Variants in LRP8 observed in about 807,000 individuals in gnomAD.
The protein encoded by LRP8 is LDL receptor related protein 8, also known as low-density lipoprotein receptor-related protein 8.
Under a neutral mutation model 111.6 loss-of-function variants are expected in LRP8, and 46 were observed. That is an observed-to-expected ratio of 0.41 (90% confidence interval 0.33 to 0.53). LRP8 has a LOEUF of 0.53. LRP8 is among the 20% of genes least tolerant of loss of function. The probability of loss-of-function intolerance (pLI) is 0.20; values close to 1 mark genes in which losing one functional copy is unlikely to be tolerated. For synonymous variants in LRP8, 464 were observed against 511.2 expected (o/e 0.91, Z 1.24); for missense variants, 959 against 1,297.4 (o/e 0.74, Z 4.01).
At position 53,327,805 on chromosome 1, in the gene LRP8, C is replaced by A. The variant is rs1165666435; in HGVS notation, c.108G>T (p.Pro36=). 2.0e-6 allele frequency: 3 copies of A among 1,511,158 alleles called. No individual in the cohort carries two copies. The highest frequency in any genetic ancestry group is 2.9e-5 in the African/African-American group (2 of 70,150). 93.6% of individuals were successfully genotyped at this position (1,511,158 alleles called of 1,614,324 possible). A position where few individuals can be genotyped will look rare whatever the true frequency, so the allele number is the denominator to read the frequency against. Residue 36 remains proline (P), a synonymous_variant, in exon 1 of 19, where the codon CCG becomes CCT. Coordinates refer to ENST00000306052, the MANE Select transcript of LRP8 (RefSeq NM_004631.5). ...LQHLAAAAAD[P]LLGGQGPAKD... The stretch of plus-strand genomic sequence containing the variant: ...TGCACGCACCTTGGCCGCCGAGCAG[C>A]GGATCAGCCGCTGCCGCCGCAAGAT...
intron 2 of LRP8, among the ~76,000 whole-genome samples, chr1:53,295,232 C>A (rs1649479563): frequency 6.6e-6 from 1 of 152,106 alleles, no homozygotes; most frequent in Admixed American, 6.5e-5. Flanking sequence ...GTCAGCCAAG[C>A]TGTGGGAGTG....
At chr1:53,281,005 C>G (rs1288438501) in intron 3 of LRP8, among the ~76,000 whole-genome samples, 1 of 152,208 alleles carries the variant, frequency 6.6e-6, no homozygotes, top group Non-Finnish European at 1.5e-5. Context: ...CTGGCCACAC[C>G]TCCCATCCCT....
At chr1:53,252,041 C>CA (rs776015082) in intron 16 of LRP8, among the ~76,000 whole-genome samples, 3,836 of 53,470 alleles carry the variant, frequency 0.072, 195 homozygotes, top group African/African-American at 0.2. Flanking sequence ...GACCTTGTCT[C>CA]AAAAAAAAAA....
At chr1:53,252,784 T>C (rs1372674977) in intron 16 of LRP8, among the ~76,000 whole-genome samples, 1 of 152,216 alleles carries the variant, frequency 6.6e-6, no homozygotes, top group Admixed American at 6.5e-5. Flanking sequence ...ACAATCTTGA[T>C]AAAAACTTCA....
chr1:53,275,599 G>T lies in LRP8; in HGVS notation c.1006+32C>A. 9 of 1,611,700 alleles carry T rather than the reference G, an allele frequency of 5.6e-6. No homozygotes were observed. Among genetic ancestry groups the T allele is most frequent in the Non-Finnish European group, 7.6e-6 (9 of 1,178,414 alleles). ...TACCAGAGCCTAGGGCATCCTCACA[G>T]AGGATGTGTTCTGTGCCCTGACCAC... On this transcript the variant is annotated intron_variant, in intron 6 of 18. Transcript: ENST00000306052. The surrounding 1 kb of genome is among the most constrained non-coding windows in gnomAD (Gnocchi z 4.4).
At chr1:53,327,600 T>A (rs1382538055) in intron 1 of LRP8, among the ~76,000 whole-genome samples, 189 bp downstream of exon 1, 1 of 152,022 alleles carries the variant, frequency 6.6e-6, no homozygotes, top group Non-Finnish European at 1.5e-5. Context: ...GGCAGAGCCC[T>A]CAACACCGAG....
chr1:53,249,664 C>G lies in LRP8; in HGVS notation c.2677-108G>C. The G allele has an allele frequency of 7.0e-7, 1 of 1,429,188 alleles. No individual in the cohort carries two copies. The highest frequency in any genetic ancestry group is 1.5e-5 in the South Asian group (1 of 66,308). The allele number at this position is 1,429,188 out of a possible 1,614,324, so 88.5% of individuals were successfully genotyped here. A position where few individuals can be genotyped will look rare whatever the true frequency, so the allele number is the denominator to read the frequency against. On this transcript the variant is annotated intron_variant, in intron 17 of 18. Coordinates refer to ENST00000306052, the MANE Select transcript of LRP8 (RefSeq NM_004631.5). This position sits in a 1 kb window ranked among gnomAD's most constrained non-coding sequence, Gnocchi z 4.1. Reference sequence around the variant, plus strand: ...TGCCACTTTGTGGTCCTCATTCCCCCAAAAAGCCATGCTGTGTTGTACCTT... The same window carrying G: ...TGCCACTTTGTGGTCCTCATTCCCCGAAAAAGCCATGCTGTGTTGTACCTT...
At chr1:53,321,552 G>A (rs1654516566) in intron 2 of LRP8, among the ~76,000 whole-genome samples, 1 of 152,152 alleles carries the variant, frequency 6.6e-6, no homozygotes, top group Admixed American at 6.5e-5. Context: ...GCTCCTCACT[G>A]CCCCCTGGGG....
At position 53,317,217 on chromosome 1, in the gene LRP8, G is replaced by A. The variant is rs1653927598; in HGVS notation, c.244+9656C>T. On this transcript the variant is annotated intron_variant, in intron 2 of 18. Transcript: ENST00000306052. The surrounding 1 kb of genome is among the most constrained non-coding windows in gnomAD (Gnocchi z 4.9). ...AATGTCCCTGGATTCAGGCCACCAG[G>A]AAAGCCCACCCTTGGCCTCCAGCTA... Among the ~76,000 whole-genome samples, 1 of 152,186 alleles carries A rather than the reference G, an allele frequency of 6.6e-6. No individual in the cohort carries two copies. Among genetic ancestry groups the A allele is most frequent in the Admixed American group, 6.5e-5 (1 of 15,284 alleles).
intron 3 of LRP8, chr1:53,289,219 A>G (rs17108202): frequency 0.37 from 71,393 of 195,220 alleles, 14,439 homozygotes; most frequent in East Asian, 0.59. Context: ...CTTAAGAAGC[A>G]CCAGCTGCCA....
At chr1:53,298,994 A>G (rs961814266) in intron 2 of LRP8, among the ~76,000 whole-genome samples, 1 of 152,112 alleles carries the variant, frequency 6.6e-6, no homozygotes, top group Non-Finnish European at 1.5e-5. Context: ...GCCCCCACTA[A>G]CTGTAAGTGG....
chr1:53,319,357 T>C (rs1306348395), intron 2 of LRP8, among the ~76,000 whole-genome samples: 1 of 151,760 alleles, frequency 6.6e-6, no homozygotes, highest in African/African-American at 2.4e-5. Flanking sequence ...GCAGACAGCT[T>C]TGGGGTGTCT....
In LRP8 at chr1:53,328,009, C is replaced by G. The variant is rs1485512973; in HGVS notation, c.-97G>C. On this transcript the variant is annotated 5_prime_UTR_variant, in exon 1 of 19. Transcript: ENST00000306052. ...GTCCTTGCCGCGGCGCCGGGGTTGC[C>G]GCTGCCCCCGCCGCCGCCGCCGCCG... is the stretch of plus-strand genomic sequence containing the variant. 5.2e-6 allele frequency: 4 copies of G among 771,766 alleles called. No homozygotes were observed. Among genetic ancestry groups the G allele is most frequent in the Non-Finnish European group, 6.3e-6 (4 of 637,346 alleles). The allele number at this position is 771,766 out of a possible 1,614,324, so 47.8% of individuals were successfully genotyped here.
rs1394735934 is a variant in LRP8, at chr1:53,246,292, A to G, written c.*726T>C. The G allele has an allele frequency of 6.6e-6, 1 of 152,202 alleles. No individual in the cohort carries two copies. The highest frequency in any genetic ancestry group is 2.4e-5 in the African/African-American group (1 of 41,440). The allele number at this position is 152,202 out of a possible 1,614,324, so 9.4% of individuals were successfully genotyped here. On this transcript the variant is annotated 3_prime_UTR_variant, in exon 19 of 19. Transcript: ENST00000306052. ...ATTTCCAAAGGCTTTTCTGAAAACT[A>G]CAAGATATACCCCTTGTGGACTGTG...
At chr1:53,280,859 C>G (rs1036442432) in intron 3 of LRP8, 144 bp from the exon 4 acceptor site, 1 of 1,020,162 alleles carries the variant, frequency 9.8e-7, no homozygotes, top group African/African-American at 1.6e-5. Flanking sequence ...TCAGTTTCAT[C>G]AGCTGAGAAG....
Position 53,283,270 on chromosome 1 carries a change from G to A in LRP8, c.368-2555C>T, listed in dbSNP as rs559355815. ...TGAGGAACGGGCCCTCACCAGACAC[G>A]GAAACTGCCGGTGCCTTGATCTTGG... is the stretch of plus-strand genomic sequence containing the variant. On this transcript the variant is annotated intron_variant, in intron 3 of 18. Transcript: ENST00000306052. 1.7e-3 allele frequency among the ~76,000 whole-genome samples: 260 copies of A among 152,168 alleles called. 1 individual carries two copies. The highest frequency in any genetic ancestry group is 6.0e-3 in the African/African-American group (247 of 41,466).
intron 6 of LRP8, among the ~76,000 whole-genome samples, chr1:53,273,705 A>G (rs11206133): frequency 0.39 from 58,825 of 151,852 alleles, 12,206 homozygotes; most frequent in East Asian, 0.76. Flanking sequence ...GGGAGTGTCT[A>G]TCTCCTGCCA....
rs186283750 is a variant in LRP8, at chr1:53,279,056, G to A, written c.496+1531C>T. On this transcript the variant is annotated intron_variant, in intron 4 of 18. Transcript: ENST00000306052. The surrounding 1 kb of genome is among the most constrained non-coding windows in gnomAD (Gnocchi z 4.4). ...TTACAGGCATGAGCCACCGCGCCCC[G>A]CCTTAATTTTTAATTTTACTTGAAG... Among the ~76,000 whole-genome samples, 35 of 151,900 alleles carry A rather than the reference G, an allele frequency of 2.3e-4. No individual in the cohort carries two copies. The highest frequency in any genetic ancestry group is 2.0e-3 in the Admixed American group (30 of 15,238).
Position 53,303,062 on chromosome 1 carries a change from G to T in LRP8, c.245-13373C>A, listed in dbSNP as rs1029890993. ...CCTCAGAGGGTGGGAATTAAGAGAG[G>T]TTGTAATGTTGAAATTCATGGTGAA... On this transcript the variant is annotated intron_variant, in intron 2 of 18. Transcript: ENST00000306052. The surrounding 1 kb of genome is among the most constrained non-coding windows in gnomAD (Gnocchi z 4.3). Among the ~76,000 whole-genome samples the T allele has an allele frequency of 6.6e-6, 1 of 152,118 alleles. No individual in the cohort carries two copies. Among genetic ancestry groups the T allele is most frequent in the African/African-American group, 2.4e-5 (1 of 41,426 alleles).
Sources: allele counts gnomAD v4.1 joint callset (sites outside exome capture counted in the v4.1 genomes callset), GRCh38; gene constraint gnomAD v4.1.1; non-coding constraint Gnocchi (gnomAD v3.1); transcripts MANE v1.5; gene names NCBI Gene and HGNC (gene_info 2026-07-23, HGNC 2026-07-21).